The following TNFAIP8 variants were observed in gnomAD, a reference collection of about 807,000 sequenced individuals.
The protein encoded by TNFAIP8 is TNF alpha induced protein 8.
A neutral mutation model predicts 13.3 loss-of-function variants in TNFAIP8; 7 were observed. The ratio of observed to expected loss-of-function variants is 0.52; its 90% confidence interval spans 0.30 to 0.99. The LOEUF is 0.99. TNFAIP8 is among the 50% of genes least tolerant of loss of function. TNFAIP8 has a pLI of 0.07. For synonymous variants in TNFAIP8, 94 were observed against 87.6 expected (o/e 1.07, Z -0.41); for missense variants, 258 against 236.9 (o/e 1.09, Z -0.58).
At chr5:119,324,272 C>A (rs12332482) in intron 1 of TNFAIP8, among the ~76,000 whole-genome samples, 1 of 55,454 alleles carries the variant, frequency 1.8e-5, no homozygotes, top group Non-Finnish European at 3.0e-5. Context: ...AAGACGCCAT[C>A]TCAAAAAAAA....
chr5:119,345,502 C>G, intron 1 of TNFAIP8, among the ~76,000 whole-genome samples: 1 of 152,128 alleles, frequency 6.6e-6, no homozygotes, highest in East Asian at 1.9e-4. Context: ...TATACACATA[C>G]AATGGAATAT....
upstream of TNFAIP8, among the ~76,000 whole-genome samples, chr5:119,353,313 G>A (rs1339248577): frequency 6.6e-6 from 1 of 152,204 alleles, no homozygotes; most frequent in Non-Finnish European, 1.5e-5. Context: ...AAATCAAAAT[G>A]ACCTAGTACA....
intron 1 of TNFAIP8, among the ~76,000 whole-genome samples, chr5:119,306,053 A>G (rs1361012017): frequency 6.6e-6 from 1 of 152,172 alleles, no homozygotes; most frequent in East Asian, 1.9e-4. Context: ...TAAGGAGACT[A>G]TATTGCTGTT....
At chr5:119,364,311 TA>T (rs1751748321) in intron 1 of TNFAIP8, among the ~76,000 whole-genome samples, 1 of 152,164 alleles carries the variant, frequency 6.6e-6, no homozygotes, top group Non-Finnish European at 1.5e-5. Context: ...TCCAAAATTT[TA>T]GAAACTCTGT....
intron 1 of TNFAIP8, among the ~76,000 whole-genome samples, chr5:119,327,118 A>G (rs1396590987): frequency 6.6e-6 from 1 of 152,008 alleles, no homozygotes; most frequent in Non-Finnish European, 1.5e-5. Context: ...TGAGGCTCCA[A>G]CTCCTTTCCA....
At chr5:119,387,960 A>T (rs938305471) in intron 1 of TNFAIP8, among the ~76,000 whole-genome samples, 1 of 152,202 alleles carries the variant, frequency 6.6e-6, no homozygotes, top group Non-Finnish European at 1.5e-5. Context: ...TGATCTTAAG[A>T]GGCAAAAAAC....
At chr5:119,282,437 G>A (rs73248974) in intron 1 of TNFAIP8, among the ~76,000 whole-genome samples, 1,531 of 152,184 alleles carry the variant, frequency 0.01, 17 homozygotes, top group African/African-American at 0.035. Flanking sequence ...TCCTTGAAAC[G>A]GGCCCTTCCC....
In TNFAIP8 at chr5:119,356,076, G is replaced by A. The variant is rs1263881496; in HGVS notation, c.-15G>A. ...GTGAGCGGTAATCGCCCCTGCAGCT[G>A]GTTATCCTGACATTATGCACTCCGA... On this transcript the variant is annotated 5_prime_UTR_variant, in exon 1 of 2. Transcript: ENST00000504771. 1.1e-5 allele frequency: 17 copies of A among 1,581,620 alleles called. No homozygotes were observed. Among genetic ancestry groups the A allele is most frequent in the Non-Finnish European group, 1.5e-5 (17 of 1,162,776 alleles).
intron 1 of TNFAIP8, among the ~76,000 whole-genome samples, chr5:119,288,726 A>T (rs1436164294): frequency 6.6e-6 from 1 of 152,172 alleles, no homozygotes; most frequent in African/African-American, 2.4e-5. Flanking sequence ...CTCTTTTTTC[A>T]GAAGAAACTA....
At chr5:119,366,654 GT>G (rs1317087023) in intron 1 of TNFAIP8, among the ~76,000 whole-genome samples, 1 of 152,232 alleles carries the variant, frequency 6.6e-6, no homozygotes, top group African/African-American at 2.4e-5. Context: ...TGAGTGGTTT[GT>G]TGGAGGGTTA....
At chr5:119,325,226 A>T (rs960018970) in intron 1 of TNFAIP8, among the ~76,000 whole-genome samples, 4 of 152,134 alleles carry the variant, frequency 2.6e-5, no homozygotes, top group Non-Finnish European at 4.4e-5. Context: ...ACTTGTCCAC[A>T]CTTCTGTCTA....
intron 1 of TNFAIP8, among the ~76,000 whole-genome samples, chr5:119,378,787 A>G (rs1298905078): frequency 6.6e-6 from 1 of 152,244 alleles, no homozygotes; most frequent in Non-Finnish European, 1.5e-5. Context: ...TTTAAAGCAA[A>G]AGGTGGCTGG....
At chr5:119,346,936 A>T (rs1346367573) in intron 1 of TNFAIP8, among the ~76,000 whole-genome samples, 1 of 152,218 alleles carries the variant, frequency 6.6e-6, no homozygotes, top group Non-Finnish European at 1.5e-5. Flanking sequence ...TAAGACTACG[A>T]GTAATGTGTA....
At chr5:119,370,111 T>G (rs1056249668) in intron 1 of TNFAIP8, among the ~76,000 whole-genome samples, 1 of 152,240 alleles carries the variant, frequency 6.6e-6, no homozygotes, top group Non-Finnish European at 1.5e-5. Flanking sequence ...TATTGTTTTT[T>G]AAATGGATTT....
Position 119,362,456 on chromosome 5 carries a change from C to T in TNFAIP8, c.31+6335C>T, listed in dbSNP as rs58047446. Among the ~76,000 whole-genome samples the T allele has an allele frequency of 5.1e-3, 782 of 152,236 alleles. 5 individuals are homozygous for T. Among genetic ancestry groups the T allele is most frequent in the African/African-American group, 0.018 (754 of 41,518 alleles). ...ATGACTTTGTTCCTGGTTGTCTGTG[C>T]AACCTTCAATAGCTACTTAATCTTT... On this transcript the variant is annotated intron_variant, in intron 1 of 1. Transcript: ENST00000504771.
intron 1 of TNFAIP8, among the ~76,000 whole-genome samples, chr5:119,276,273 A>G (rs1277377073): frequency 6.6e-6 from 1 of 152,042 alleles, no homozygotes; most frequent in Non-Finnish European, 1.5e-5. Flanking sequence ...AAACACCACC[A>G]CATCTGGCTA....
At chr5:119,355,872 C>G, upstream of TNFAIP8, 2 of 1,143,388 alleles carry the variant, frequency 1.7e-6, no homozygotes, top group Non-Finnish European at 2.2e-6. Context: ...GGGGCGGACT[C>G]CCGCCGCCCA....
intron 1 of TNFAIP8, among the ~76,000 whole-genome samples, chr5:119,367,390 G>A (rs529380795): frequency 7.9e-5 from 12 of 152,290 alleles, no homozygotes; most frequent in Admixed American, 2.0e-4. Context: ...CTATTTTGTC[G>A]TAGAGGATGG....
At chr5:119,285,792 G>T (rs912383703) in intron 1 of TNFAIP8, among the ~76,000 whole-genome samples, 3 of 152,182 alleles carry the variant, frequency 2.0e-5, no homozygotes, top group Non-Finnish European at 2.9e-5. Context: ...ATATGCATCA[G>T]CTGCTTACAT....
Sources: allele counts gnomAD v4.1 joint callset (sites outside exome capture counted in the v4.1 genomes callset), GRCh38; gene constraint gnomAD v4.1.1; transcripts MANE v1.5; gene names NCBI Gene and HGNC (gene_info 2026-07-23, HGNC 2026-07-21).